The following CHRM3 variants were observed in gnomAD, a reference collection of about 807,000 sequenced individuals.
CHRM3 encodes muscarinic acetylcholine receptor M3.
In CHRM3, 11 loss-of-function variants were observed where a neutral mutation model predicts 41.8. The ratio of observed to expected loss-of-function variants is 0.26; its 90% CI spans 0.17 to 0.44. CHRM3 has a LOEUF of 0.44. CHRM3 is among the 20% of genes least tolerant of loss of function. The pLI, the probability that CHRM3 is intolerant of heterozygous loss-of-function variation, is 1.00. For synonymous variants in CHRM3, 297 were observed against 301.4 expected, an observed-to-expected ratio of 0.99 and a Z score of 0.15; for missense variants, 571 against 745.4, an observed-to-expected ratio of 0.77 and a Z score of 2.72.
chr1:239,433,029 G>T (rs1359712169), intron 1 of CHRM3, among the ~76,000 whole-genome samples: 1 of 152,010 alleles, frequency 6.6e-6, no homozygotes, highest in Non-Finnish European at 1.5e-5. Flanking sequence ...ATCCAGCTCA[G>T]CGCTGTGTTT....
At chr1:239,513,496 T>C (rs1669061701) in intron 2 of CHRM3, among the ~76,000 whole-genome samples, 1 of 152,218 alleles carries the variant, frequency 6.6e-6, no homozygotes, top group Non-Finnish European at 1.5e-5. Context: ...TAGTTGAATT[T>C]TAAGTGTTAT....
At chr1:239,780,292 G>T (rs1237962775) in intron 5 of CHRM3, among the ~76,000 whole-genome samples, 3 of 152,110 alleles carry the variant, frequency 2.0e-5, no homozygotes, top group Non-Finnish European at 4.4e-5. Flanking sequence ...ACCAACATTT[G>T]GTGTTCTCAG....
chr1:239,598,204 G>A (rs1665038647), intron 3 of CHRM3, among the ~76,000 whole-genome samples: 1 of 151,996 alleles, frequency 6.6e-6, no homozygotes, highest in African/African-American at 2.4e-5. Flanking sequence ...TTACTATTGA[G>A]GTTGTTATTG....
chr1:239,883,770 G>A (rs1394461080), intron 6 of CHRM3, among the ~76,000 whole-genome samples: 2 of 152,090 alleles, frequency 1.3e-5, no homozygotes, highest in East Asian at 1.9e-4. Flanking sequence ...ATAAATAAAC[G>A]AAATATAAAC....
intron 6 of CHRM3, among the ~76,000 whole-genome samples, chr1:239,892,805 C>T (rs1018105565): frequency 1.3e-5 from 2 of 152,118 alleles, no homozygotes; most frequent in Admixed American, 6.5e-5. Context: ...CCTATTTTAG[C>T]CAAGGACATA....
At chr1:239,453,070 G>C (rs1448467210) in intron 1 of CHRM3, among the ~76,000 whole-genome samples, 1 of 152,174 alleles carries the variant, frequency 6.6e-6, no homozygotes, top group Non-Finnish European at 1.5e-5. Flanking sequence ...AAAGTGCTGG[G>C]ATTACAGGCG....
intron 5 of CHRM3, among the ~76,000 whole-genome samples, chr1:239,679,153 A>G (rs1243164035): frequency 6.6e-6 from 1 of 152,194 alleles, no homozygotes; most frequent in African/African-American, 2.4e-5. Context: ...CTTTATTACA[A>G]GATTGATTGC....
intron 4 of CHRM3, among the ~76,000 whole-genome samples, chr1:239,655,136 A>G (rs1382112869): frequency 2.0e-5 from 3 of 152,198 alleles, no homozygotes; most frequent in Non-Finnish European, 4.4e-5. Context: ...TTCATGTGTC[A>G]TACTCTGAGA....
intron 1 of CHRM3, among the ~76,000 whole-genome samples, chr1:239,442,109 A>G (rs971036968): frequency 6.6e-6 from 1 of 151,598 alleles, no homozygotes; most frequent in Non-Finnish European, 1.5e-5. Flanking sequence ...GTTGTCTAAT[A>G]TTGTTTGTCA....
At chr1:239,615,006 C>T (rs1376340726) in intron 3 of CHRM3, among the ~76,000 whole-genome samples, 3 of 152,114 alleles carry the variant, frequency 2.0e-5, no homozygotes, top group Admixed American at 6.6e-5. Flanking sequence ...AGGTATTATA[C>T]TCAAATAAAA....
At chr1:239,481,308 C>T (rs979619508) in intron 1 of CHRM3, among the ~76,000 whole-genome samples, 9 of 152,092 alleles carry the variant, frequency 5.9e-5, no homozygotes, top group South Asian at 2.1e-4. Context: ...TTTTAAATTT[C>T]GGAAGACGTA....
At chr1:239,524,845 C>A (rs1029508340) in intron 2 of CHRM3, among the ~76,000 whole-genome samples, 2 of 151,940 alleles carry the variant, frequency 1.3e-5, no homozygotes, top group African/African-American at 4.8e-5. Flanking sequence ...TTTCTTAAAT[C>A]TTTTATGTTT....
At chr1:239,497,179 C>G (rs1283234409) in intron 2 of CHRM3, among the ~76,000 whole-genome samples, 1 of 152,100 alleles carries the variant, frequency 6.6e-6, no homozygotes, top group Non-Finnish European at 1.5e-5. Context: ...TTGGGTTAGG[C>G]ACCCCACATC....
rs61831569 is a variant in CHRM3, at chr1:239,848,516, G to A, written c.-20+21138G>A. On this transcript the variant is annotated intron_variant, in intron 6 of 6. Transcript: ENST00000676153. The stretch of plus-strand genomic sequence containing the variant: ...TATTGTGAAGTGATCTATATATGTT[G>A]TATATATATATACATTTATATCACT... 3.3e-3 allele frequency among the ~76,000 whole-genome samples: 502 copies of A among 151,692 alleles called. 3 individuals carry two copies. The highest frequency in any genetic ancestry group is 0.01 in the Middle Eastern group (3 of 294).
chr1:239,711,436 C>G (rs549289482), intron 5 of CHRM3, among the ~76,000 whole-genome samples: 1 of 152,060 alleles, frequency 6.6e-6, no homozygotes, highest in Admixed American at 6.6e-5. Flanking sequence ...TTCCATCCAT[C>G]AGCCCAAAGA....
intron 3 of CHRM3, among the ~76,000 whole-genome samples, chr1:239,589,655 T>C (rs1663874951): frequency 6.9e-6 from 1 of 145,330 alleles, no homozygotes; most frequent in Admixed American, 6.9e-5. Flanking sequence ...TATATATATA[T>C]ATATATATAT....
intron 5 of CHRM3, among the ~76,000 whole-genome samples, chr1:239,751,455 C>T (rs527641847): frequency 6.6e-6 from 1 of 152,212 alleles, no homozygotes; most frequent in Admixed American, 6.5e-5. Flanking sequence ...TTAGTTTTTG[C>T]AAAGTAAATC....
At chr1:239,392,070 G>T (rs1424393448) in intron 1 of CHRM3, among the ~76,000 whole-genome samples, 1 of 152,108 alleles carries the variant, frequency 6.6e-6, no homozygotes, top group Non-Finnish European at 1.5e-5. Flanking sequence ...TTTAATGTCT[G>T]GCCTGGGAAA....
At chr1:239,874,293 A>ATATATATATATCTATATACACAG (rs1553291869) in intron 6 of CHRM3, among the ~76,000 whole-genome samples, 16 of 67,070 alleles carry the variant, frequency 2.4e-4, no homozygotes, top group East Asian at 1.2e-3. Flanking sequence ...CAGTATATAT[A>ATATATATATATCTATATACACAG]TATATATATA....
Sources: gnomAD v4.1 joint callset for allele counts (sites outside exome capture counted in the v4.1 genomes callset) on GRCh38, gnomAD v4.1.1 for gene constraint, MANE v1.5 for transcripts, NCBI Gene and HGNC (gene_info 2026-07-23, HGNC 2026-07-21) for gene names.